Variants in RPS6KC1 observed in about 807,000 individuals in gnomAD.
RPS6KC1 encodes ribosomal protein S6 kinase C1, also known as inactive ribosomal protein S6 kinase delta-1.
A neutral mutation model predicts 103.8 loss-of-function variants in RPS6KC1; 54 were observed. That is an observed-to-expected ratio of 0.52 (90% confidence interval 0.42 to 0.65). RPS6KC1 has a LOEUF of 0.65. RPS6KC1 is among the 30% of genes least tolerant of loss of function. The pLI is 0.00. For synonymous variants in RPS6KC1, 439 were observed against 438.7 expected (o/e 1.00, Z -0.01); for missense variants, 1,151 against 1,253.8 (o/e 0.92, Z 1.24).
chr1:213,129,575 C>G lies in RPS6KC1; in HGVS notation c.521C>G (p.Ser174Cys). 3 of 1,613,634 alleles carry G rather than the reference C, an allele frequency of 1.9e-6. No individual in the cohort carries two copies. The highest frequency in any genetic ancestry group is 2.5e-6 in the Non-Finnish European group (3 of 1,179,672). The change falls in exon 6 of 15, where the codon TCT becomes TGT. Residue 174 changes from serine to cysteine, a missense_variant. Physicochemically the swap from Ser to Cys is moderately radical, Grantham distance 112 (BLOSUM62 -1). Around this residue, in one of 3 missense-constraint regions of RPS6KC1, gnomAD observed 959 missense variants for 1,006.3 expected, o/e 0.95. Transcript: ENST00000366960. Reference protein sequence around the residue: ...DLVSLTVDVDSLAELDDGMAS... With the variant: ...DLVSLTVDVDCLAELDDGMAS... ...GTATCTCTTACTGTTGATGTGGATT[C>G]TCTTGCTGAGTTAGATGATGGAATG...
At chr1:213,264,223 C>T (rs1363735647) in intron 14 of RPS6KC1, among the ~76,000 whole-genome samples, 1 of 151,492 alleles carries the variant, frequency 6.6e-6, no homozygotes, top group Non-Finnish European at 1.5e-5. Context: ...ATTAATTTGC[C>T]CAGAGTATGC....
chr1:213,704,638 T>G, the RPS6KC1 span, among the ~76,000 whole-genome samples: 1 of 152,218 alleles, frequency 6.6e-6, no homozygotes, highest in South Asian at 2.1e-4. Context: ...GGTGCCTTAT[T>G]TAGTTCATTT....
At chr1:213,698,926 G>C in the RPS6KC1 span, among the ~76,000 whole-genome samples, 2 of 151,238 alleles carry the variant, frequency 1.3e-5, no homozygotes, top group East Asian at 3.9e-4. Flanking sequence ...ATTTTTGTGG[G>C]TACATAGTAG....
At chr1:213,430,507 C>T in the RPS6KC1 span, among the ~76,000 whole-genome samples, 1 of 152,174 alleles carries the variant, frequency 6.6e-6, no homozygotes, top group Non-Finnish European at 1.5e-5. Flanking sequence ...TGTTTATCTA[C>T]TGTTTGGATT....
the RPS6KC1 span, among the ~76,000 whole-genome samples, chr1:213,681,487 G>A: frequency 1.3e-4 from 19 of 148,508 alleles, no homozygotes; most frequent in South Asian, 3.6e-3. Context: ...GGGAGGGAGA[G>A]AGAAGGTGTT....
chr1:213,808,156 C>A, the RPS6KC1 span, among the ~76,000 whole-genome samples: 4 of 151,062 alleles, frequency 2.6e-5, no homozygotes, highest in Admixed American at 6.6e-5. Flanking sequence ...CAGAGGAGTA[C>A]CCGGCTGTGT....
chr1:213,748,849 A>T, the RPS6KC1 span, among the ~76,000 whole-genome samples: 2 of 152,292 alleles, frequency 1.3e-5, no homozygotes, highest in South Asian at 2.1e-4. Context: ...TCTGACTAAC[A>T]TGTTTACTGA....
the RPS6KC1 span, among the ~76,000 whole-genome samples, chr1:213,783,580 A>G: frequency 1.3e-5 from 2 of 152,112 alleles, no homozygotes; most frequent in African/African-American, 4.8e-5. Context: ...TCAAAAGGCG[A>G]GGTGGTATTA....
At chr1:213,630,825 G>A in the RPS6KC1 span, among the ~76,000 whole-genome samples, 5 of 152,222 alleles carry the variant, frequency 3.3e-5, no homozygotes, top group African/African-American at 1.2e-4. Flanking sequence ...GTCTATTGGA[G>A]TTTGCCGGAG....
chr1:213,774,950 T>A, the RPS6KC1 span, among the ~76,000 whole-genome samples: 1 of 152,126 alleles, frequency 6.6e-6, no homozygotes. Context: ...ATGGCAAACA[T>A]ATAGAAGCAC....
intron 12 of RPS6KC1, among the ~76,000 whole-genome samples, chr1:213,244,036 C>T (rs1402083906): frequency 6.6e-6 from 1 of 151,868 alleles, no homozygotes; most frequent in African/African-American, 2.4e-5. Context: ...CTCCTTCTTC[C>T]TTCAAATTAA....
At chr1:213,711,084 T>C in the RPS6KC1 span, among the ~76,000 whole-genome samples, 1 of 152,312 alleles carries the variant, frequency 6.6e-6, no homozygotes. Context: ...TTGGGCAAGT[T>C]CTCCTGGATA....
chr1:213,311,240 G>A, the RPS6KC1 span, among the ~76,000 whole-genome samples: 3 of 151,532 alleles, frequency 2.0e-5, no homozygotes, highest in Non-Finnish European at 4.4e-5. Context: ...CCGGGTTCAC[G>A]CCATTCTCCT....
chr1:213,423,217 A>T, the RPS6KC1 span, among the ~76,000 whole-genome samples: 17 of 152,190 alleles, frequency 1.1e-4, no homozygotes, highest in Non-Finnish European at 2.2e-4. Flanking sequence ...CAAGCTGCCC[A>T]TCTTCCTCTG....
chr1:213,211,524 C>T (rs770600737), intron 8 of RPS6KC1, among the ~76,000 whole-genome samples: 3 of 152,178 alleles, frequency 2.0e-5, no homozygotes, highest in Non-Finnish European at 4.4e-5. Context: ...TATTTATATC[C>T]ATTTTCCTTA....
the RPS6KC1 span, among the ~76,000 whole-genome samples, chr1:213,728,179 A>C: frequency 6.6e-6 from 1 of 152,142 alleles, no homozygotes; most frequent in South Asian, 2.1e-4. Flanking sequence ...AATGGGAAAG[A>C]GTGAGATAAA....
At chr1:213,228,543 G>A (rs2094012786) in intron 8 of RPS6KC1, among the ~76,000 whole-genome samples, 1 of 151,648 alleles carries the variant, frequency 6.6e-6, no homozygotes, top group Non-Finnish European at 1.5e-5. Context: ...TAGGCAATAT[G>A]GTGAGACCCC....
At chr1:213,475,765 A>G in the RPS6KC1 span, among the ~76,000 whole-genome samples, 1 of 152,130 alleles carries the variant, frequency 6.6e-6, no homozygotes. Context: ...TTTCACCGGG[A>G]AATGGCCATC....
the RPS6KC1 span, among the ~76,000 whole-genome samples, chr1:213,791,733 C>T: frequency 6.6e-6 from 1 of 152,156 alleles, no homozygotes; most frequent in Non-Finnish European, 1.5e-5. Context: ...TTCATAACAT[C>T]CCTATGAGGT....
Sources: gnomAD v4.1 joint callset for allele counts (sites outside exome capture counted in the v4.1 genomes callset) on GRCh38, gnomAD v4.1.1 for gene constraint, gnomAD v4.1.1 regional missense constraint, MANE v1.5 for transcripts, NCBI Gene and HGNC (gene_info 2026-07-23, HGNC 2026-07-21) for gene names.